Variants in LPAR6 observed in about 807,000 individuals in gnomAD.
The protein encoded by LPAR6 is G-protein coupled purinergic receptor P2Y5.
LPAR6 carries 17 observed loss-of-function variants against 22.0 expected under a neutral mutation model. That is an observed-to-expected ratio of 0.77 (90% confidence interval 0.53 to 1.16). The LOEUF is 1.16. LPAR6 is among the 50% of genes most tolerant of loss of function. The pLI is 0.00. For synonymous variants in LPAR6, 136 were observed against 139.8 expected (o/e 0.97, Z 0.19); for missense variants, 384 against 406.9 (o/e 0.94, Z 0.48).
intron 1 of LPAR6, among the ~76,000 whole-genome samples, chr13:48,398,952 A>G (rs747765418): frequency 2.5e-4 from 38 of 152,090 alleles, no homozygotes; most frequent in Non-Finnish European, 1.0e-4. Flanking sequence ...CACTGTGACT[A>G]TTGGTCTGGC....
At chr13:48,429,933 G>T (rs1197441977), upstream of LPAR6, among the ~76,000 whole-genome samples, 1 of 152,212 alleles carries the variant, frequency 6.6e-6, no homozygotes, top group Non-Finnish European at 1.5e-5. Context: ...ACTTGAACAT[G>T]TGCCAGGCAG....
chr13:48,397,265 C>G (rs1013595985), intron 1 of LPAR6, among the ~76,000 whole-genome samples: 1 of 152,104 alleles, frequency 6.6e-6, no homozygotes, highest in Non-Finnish European at 1.5e-5. Flanking sequence ...CAGTGGTAGA[C>G]TGGATAAAGA....
At chr13:48,416,519 A>G (rs966053172), upstream of LPAR6, 1 of 152,970 alleles carries the variant, frequency 6.5e-6, no homozygotes, top group African/African-American at 2.4e-5. Context: ...TTGGGCAGAC[A>G]CCGAGCTAGC....
downstream of LPAR6, among the ~76,000 whole-genome samples, chr13:48,409,570 A>ATTTTTTTT (rs5803435): frequency 3.4e-5 from 2 of 59,694 alleles, no homozygotes; most frequent in Admixed American, 2.8e-4. Context: ...GAACTGCTTG[A>ATTTTTTTT]TTTTTTTTTT....
At chr13:48,399,874 C>A (rs1948677307) in intron 1 of LPAR6, among the ~76,000 whole-genome samples, 1 of 151,958 alleles carries the variant, frequency 6.6e-6, no homozygotes, top group African/African-American at 2.4e-5. Context: ...TTAAAACACT[C>A]TGACATATGA....
At chr13:48,414,246 CTGAGGCAGGAGAATCGCT>C (rs575010150), upstream of LPAR6, among the ~76,000 whole-genome samples, 1 of 151,598 alleles carries the variant, frequency 6.6e-6, no homozygotes, top group Non-Finnish European at 1.5e-5. Flanking sequence ...ACCCAGGAGA[CTGAGGCAGGAGAATCGCT>C]TGAACCTGGG....
chr13:48,394,058 A>T (rs886082753), intron 1 of LPAR6, among the ~76,000 whole-genome samples: 2 of 152,194 alleles, frequency 1.3e-5, no homozygotes, highest in African/African-American at 4.8e-5. Flanking sequence ...TACCTGGCTC[A>T]TCTCATTGGG....
intron 1 of LPAR6, among the ~76,000 whole-genome samples, chr13:48,440,004 A>T (rs952621582): frequency 3.9e-5 from 6 of 152,192 alleles, no homozygotes; most frequent in Non-Finnish European, 8.8e-5. Context: ...TTTTATATGT[A>T]TATGAGAGAA....
Position 48,411,403 on chromosome 13 carries a change from C to G in LPAR6, c.1021G>C (p.Glu341Gln), listed in dbSNP as rs770987073. The G allele has an allele frequency of 1.9e-6, 3 of 1,611,370 alleles. No homozygotes were observed. The highest frequency in any genetic ancestry group is 2.5e-6 in the Non-Finnish European group (3 of 1,179,268). ...QTLKSKIFDNESAA is the reference protein window; with the variant it reads ...QTLKSKIFDNQSAA The stretch of plus-strand genomic sequence containing the variant: ...ATGGTTTTATTTCAGGCAGCAGATT[C>G]ATTGTCAAATATCTTACTTTTTAAG... Residue 341 changes from glutamate to glutamine, a missense_variant, in exon 1 of 1, where the codon GAA becomes CAA. Physicochemically the swap from Glu to Gln is conservative, Grantham distance 29 (BLOSUM62 2). Coordinates refer to ENST00000620633, the MANE Select transcript of LPAR6 (RefSeq NM_001162498.3).
rs193172491 is a variant in LPAR6 at position 48,399,109 on chromosome 13, A to C, written n.115-9297T>G. On this transcript the variant is annotated intron_variant and non_coding_transcript_variant, in intron 1 of 1. Coordinates refer to the LPAR6 transcript ENST00000462781. ...TATAAGTGTTTTCAGAATCCACAATAATTTAGGTTGAAATTAGGTATTTGG... is the reference window on the plus strand; with the variant it reads ...TATAAGTGTTTTCAGAATCCACAATCATTTAGGTTGAAATTAGGTATTTGG... Among the ~76,000 whole-genome samples the C allele has an allele frequency of 5.3e-5, 8 of 152,160 alleles. No individual in the cohort carries two copies. The East Asian group carries it at 1.5e-3, about 29-fold the overall frequency.
chr13:48,440,394 T>C (rs1209936334), intron 1 of LPAR6, among the ~76,000 whole-genome samples: 1 of 152,220 alleles, frequency 6.6e-6, no homozygotes, highest in African/African-American at 2.4e-5. Context: ...TTCTTTTATG[T>C]ATGATATTGT....
At chr13:48,401,232 A>T (rs1000193168) in intron 1 of LPAR6, 1 of 152,180 alleles carries the variant, frequency 6.6e-6, no homozygotes, top group Non-Finnish European at 1.5e-5. Context: ...AGAGAATTTT[A>T]TAAAGAGTCA....
chr13:48,441,264 A>G (rs1451115139), intron 1 of LPAR6, among the ~76,000 whole-genome samples: 1 of 152,172 alleles, frequency 6.6e-6, no homozygotes, highest in Non-Finnish European at 1.5e-5. Flanking sequence ...TCCCTTTTAT[A>G]AGGGTACTAA....
chr13:48,430,333 A>G (rs974627984), upstream of LPAR6, among the ~76,000 whole-genome samples: 1 of 152,198 alleles, frequency 6.6e-6, no homozygotes, highest in Admixed American at 6.5e-5. Flanking sequence ...GTAGACTTTG[A>G]TTTATTCTTT....
At chr13:48,443,166 G>A (rs971061028) in intron 1 of LPAR6, among the ~76,000 whole-genome samples, 26 of 151,236 alleles carry the variant, frequency 1.7e-4, no homozygotes, top group African/African-American at 6.0e-4. Flanking sequence ...TCTCCTCTTA[G>A]TCTATAATTT....
intron 1 of LPAR6, among the ~76,000 whole-genome samples, chr13:48,403,897 AG>A (rs760392051): frequency 9.2e-5 from 14 of 152,112 alleles, no homozygotes; most frequent in Non-Finnish European, 1.8e-4. Flanking sequence ...GCTACTTGGG[AG>A]GCTGAGGAGG....
intron 1 of LPAR6, among the ~76,000 whole-genome samples, chr13:48,405,098 A>G (rs1207971384): frequency 1.3e-5 from 2 of 152,206 alleles, no homozygotes; most frequent in Admixed American, 1.3e-4. Context: ...AAGGGAAATC[A>G]TAAGACCTAA....
upstream of LPAR6, among the ~76,000 whole-genome samples, chr13:48,413,850 C>T (rs1178588525): frequency 1.3e-5 from 2 of 151,988 alleles, no homozygotes; most frequent in South Asian, 2.1e-4. Flanking sequence ...ATTTTTTTAA[C>T]CTTAAATTGA....
At chr13:48,441,173 G>A (rs1235552550) in intron 1 of LPAR6, among the ~76,000 whole-genome samples, 2 of 152,176 alleles carry the variant, frequency 1.3e-5, no homozygotes, top group Non-Finnish European at 2.9e-5. Flanking sequence ...GATATCTGGC[G>A]GAGGCCTGTT....
Sources: gnomAD v4.1 joint callset for allele counts (sites outside exome capture counted in the v4.1 genomes callset) on GRCh38, gnomAD v4.1.1 for gene constraint, MANE v1.5 for transcripts, NCBI Gene and HGNC (gene_info 2026-07-23, HGNC 2026-07-21) for gene names.